Variants in RARS2 observed in about 807,000 individuals in gnomAD.
The protein encoded by RARS2 is probable arginine--tRNA ligase, mitochondrial.
Under a neutral mutation model 88.5 loss-of-function variants are expected in RARS2, and 67 were observed. That is an observed-to-expected ratio of 0.76 (90% CI 0.62 to 0.93). RARS2 has a LOEUF of 0.93. Among genes scored for constraint, RARS2 ranks in the 40% least tolerant of loss-of-function variants. RARS2 has a pLI of 0.00. For synonymous variants in RARS2, 239 were observed against 230.3 expected, an observed-to-expected ratio of 1.04 and a Z score of -0.34; for missense variants, 664 against 684.2, an observed-to-expected ratio of 0.97 and a Z score of 0.33.
chr6:87,520,727 T>C (rs1044584573), intron 12 of RARS2, among the ~76,000 whole-genome samples: 4 of 152,228 alleles, frequency 2.6e-5, no homozygotes, highest in East Asian at 1.9e-4. Context: ...GCATTCATTA[T>C]ACTGAGTGAA....
At chr6:87,546,557 T>C (rs1328056908) in intron 6 of RARS2, among the ~76,000 whole-genome samples, 1 of 152,150 alleles carries the variant, frequency 6.6e-6, no homozygotes, top group Non-Finnish European at 1.5e-5. Context: ...TTCTTGACCA[T>C]GGCAGTGGCA....
chr6:87,560,973 T>G (rs986171454), intron 4 of RARS2, among the ~76,000 whole-genome samples: 1 of 152,198 alleles, frequency 6.6e-6, no homozygotes, highest in Non-Finnish European at 1.5e-5. Context: ...TGTATAAAAG[T>G]ATAGCACATA....
intron 6 of RARS2, among the ~76,000 whole-genome samples, chr6:87,548,190 C>T (rs1489984977): frequency 6.6e-6 from 1 of 152,044 alleles, no homozygotes; most frequent in Non-Finnish European, 1.5e-5. Flanking sequence ...TTGCAGTGAG[C>T]CAAGATTGCG....
chr6:87,579,686 C>G (rs1206318813), intron 1 of RARS2, among the ~76,000 whole-genome samples: 1 of 103,736 alleles, frequency 9.6e-6, no homozygotes, highest in South Asian at 3.5e-4. Context: ...GAAAATAAAA[C>G]AAATTGAGAG....
chr6:87,526,612 A>G (rs1479536338), intron 10 of RARS2, among the ~76,000 whole-genome samples: 1 of 85,640 alleles, frequency 1.2e-5, no homozygotes, highest in Non-Finnish European at 2.1e-5. Flanking sequence ...ACAAAAACAT[A>G]GGACCAATGG....
chr6:87,570,721 G>C (rs1448443559), intron 1 of RARS2, among the ~76,000 whole-genome samples: 1 of 152,088 alleles, frequency 6.6e-6, no homozygotes, highest in African/African-American at 2.4e-5. Context: ...TGCCCAGCCA[G>C]ATTTTTTATT....
intron 5 of RARS2, among the ~76,000 whole-genome samples, chr6:87,550,714 A>G (rs1474380088): frequency 2.0e-5 from 3 of 151,348 alleles, no homozygotes; most frequent in African/African-American, 7.3e-5. Context: ...TTTAAGAAAA[A>G]AAAAAAAAAA....
At chr6:87,560,974 A>AT (rs1277523388) in intron 4 of RARS2, among the ~76,000 whole-genome samples, 2 of 152,252 alleles carry the variant, frequency 1.3e-5, no homozygotes, top group Non-Finnish European at 2.9e-5. Context: ...GTATAAAAGT[A>AT]TAGCACATAC....
At chr6:87,547,579 T>C (rs1782963345) in intron 6 of RARS2, among the ~76,000 whole-genome samples, 1 of 152,174 alleles carries the variant, frequency 6.6e-6, no homozygotes, top group Non-Finnish European at 1.5e-5. Flanking sequence ...AAGTATATTA[T>C]ACACTGAAGC....
At chr6:87,518,912 T>C (rs1458990281) in intron 14 of RARS2, 21 bp from the exon 15 acceptor site, 4 of 1,611,610 alleles carry the variant, frequency 2.5e-6, no homozygotes, top group Non-Finnish European at 2.5e-6. Flanking sequence ...CAAAGGCAGC[T>C]ATCTTTAGTC....
chr6:87,554,335 G>A (rs1785166741), intron 5 of RARS2, among the ~76,000 whole-genome samples: 2 of 152,200 alleles, frequency 1.3e-5, no homozygotes, highest in East Asian at 3.9e-4. Flanking sequence ...TATACTGACA[G>A]CACGTTAGAA....
At chr6:87,515,074 A>T in intron 18 of RARS2, 54 bp from the exon 19 acceptor site, 5 of 1,345,564 alleles carry the variant, frequency 3.7e-6, no homozygotes, top group Non-Finnish European at 4.3e-6. Flanking sequence ...TCCTGTTGTA[A>T]GATATGAGCT....
chr6:87,582,376 C>T (rs1036657280), intron 1 of RARS2, among the ~76,000 whole-genome samples: 3 of 152,070 alleles, frequency 2.0e-5, no homozygotes, highest in African/African-American at 2.4e-5. Flanking sequence ...AGCTTTTTTT[C>T]GAATGTTTGT....
chr6:87,535,687 T>C (rs1778917040), intron 8 of RARS2, among the ~76,000 whole-genome samples: 1 of 149,080 alleles, frequency 6.7e-6, no homozygotes, highest in South Asian at 2.1e-4. Flanking sequence ...TTTTTTTTTT[T>C]TTTTTTTGAG....
intron 1 of RARS2, 47 bp from the exon 2 acceptor site, chr6:87,569,637 G>A: frequency 7.0e-7 from 1 of 1,432,578 alleles, no homozygotes. Context: ...TCACATATTT[G>A]TTCCATTCAA....
At chr6:87,537,985 A>G (rs1431569484) in intron 8 of RARS2, among the ~76,000 whole-genome samples, 2 of 152,222 alleles carry the variant, frequency 1.3e-5, no homozygotes, top group Non-Finnish European at 2.9e-5. Flanking sequence ...GTTGACATTC[A>G]GATTTTCTTT....
chr6:87,518,170 T>C lies in RARS2; in HGVS notation c.1510A>G (p.Arg504Gly). The change falls in exon 17 of 20, where the codon AGG (arginine) becomes GGG (glycine). Residue 504 changes from arginine (R) to glycine (G), a missense_variant and splice_region_variant. Arg to Gly is a moderately radical substitution (Grantham distance 125, BLOSUM62 -2). Transcript: ENST00000369536. Reference protein sequence around the residue: ...QSVSILQHLLRFDEVLYKSSQ... With the variant: ...QSVSILQHLLGFDEVLYKSSQ... The stretch of plus-strand genomic sequence containing the variant: ...GATGATCCCTGGAAAACATCATACC[T>C]GAGAAGATGCTGAAGAATTGAAACA... 6.2e-6 allele frequency: 10 copies of C among 1,614,158 alleles called. No individual in the cohort carries two copies. The highest frequency in any genetic ancestry group is 8.5e-6 in the Non-Finnish European group (10 of 1,180,006).
At chr6:87,576,274 CTTT>C (rs55999428) in intron 1 of RARS2, among the ~76,000 whole-genome samples, 3 of 80,802 alleles carry the variant, frequency 3.7e-5, no homozygotes, top group Non-Finnish European at 6.9e-5. Flanking sequence ...ACACAAATTT[CTTT>C]TTTTTTTTTT....
At chr6:87,539,625 A>G (rs1398125919) in intron 8 of RARS2, among the ~76,000 whole-genome samples, 2 of 152,154 alleles carry the variant, frequency 1.3e-5, no homozygotes, top group Non-Finnish European at 2.9e-5. Flanking sequence ...CGGGACAAAT[A>G]CAGAATGTGA....
Sources: allele counts gnomAD v4.1 joint callset (sites outside exome capture counted in the v4.1 genomes callset), GRCh38; gene constraint gnomAD v4.1.1; transcripts MANE v1.5; gene names NCBI Gene and HGNC (gene_info 2026-07-23, HGNC 2026-07-21).